Variants in ANK2 observed in about 807,000 individuals in gnomAD.
ANK2 encodes the protein ankyrin 2.
ANK2 carries 83 observed loss-of-function variants against 360.5 expected under a neutral mutation model. The observed-to-expected ratio is 0.23, with a 90% CI of 0.19 to 0.28. ANK2 has a LOEUF of 0.28. Ranked by LOEUF, ANK2 falls within the 10% of genes least tolerant of loss-of-function variation. ANK2 has a pLI of 1.00. For synonymous variants in ANK2, 1,740 were observed against 1,759.5 expected, an observed-to-expected ratio of 0.99 and a Z score of 0.28; for missense variants, 4,201 against 4,795.7, an observed-to-expected ratio of 0.88 and a Z score of 3.66.
intron 1 of ANK2, among the ~76,000 whole-genome samples, chr4:112,850,686 T>G (rs2064743239): frequency 6.6e-6 from 1 of 150,930 alleles, no homozygotes; most frequent in Non-Finnish European, 1.5e-5. Context: ...CCAGCTAATT[T>G]TTTGTATTTT....
intron 1 of ANK2, among the ~76,000 whole-genome samples, chr4:112,895,035 A>G (rs1439540703): frequency 6.6e-6 from 1 of 152,180 alleles, no homozygotes; most frequent in East Asian, 1.9e-4. Context: ...TTTTGTGCAG[A>G]AGTTTTGTAA....
At chr4:112,709,932 A>G in the ANK2 span, among the ~76,000 whole-genome samples, 1 of 151,922 alleles carries the variant, frequency 6.6e-6, no homozygotes, top group East Asian at 1.9e-4. Flanking sequence ...ATCCTTCCCC[A>G]TGGTCTCTGG....
intron 20 of ANK2, among the ~76,000 whole-genome samples, chr4:113,291,500 A>G (rs1311116709): frequency 1.3e-5 from 2 of 152,244 alleles, no homozygotes; most frequent in African/African-American, 4.8e-5. Context: ...GCATGTTCCT[A>G]TGGGCAGACA....
chr4:112,951,456 T>G (rs1341075366), intron 2 of ANK2, among the ~76,000 whole-genome samples: 1 of 152,254 alleles, frequency 6.6e-6, no homozygotes, highest in Non-Finnish European at 1.5e-5. Flanking sequence ...CCAGTGTTAT[T>G]TAATGATTCA....
intron 1 of ANK2, among the ~76,000 whole-genome samples, chr4:112,824,396 G>A (rs1205717770): frequency 6.6e-6 from 1 of 152,026 alleles, no homozygotes. Flanking sequence ...GAGACAGTGT[G>A]TTGTTCTGTT....
Position 113,181,160 on chromosome 4 carries a change from G to T in ANK2, c.186+6643G>T, listed in dbSNP as rs1041185292. 5.9e-5 allele frequency among the ~76,000 whole-genome samples: 9 copies of T among 152,274 alleles called. No individual in the cohort carries two copies. The East Asian group carries it at 1.7e-3, about 29-fold the overall frequency. Reference sequence around the variant, plus strand: ...AATTAGGCAGGTTTATGAAGATTTCGAAATGTGACTCTTCTTTCATTTTAA... The same window carrying T: ...AATTAGGCAGGTTTATGAAGATTTCTAAATGTGACTCTTCTTTCATTTTAA... On this transcript the variant is annotated intron_variant, in intron 2 of 45. Transcript: ENST00000357077.
chr4:113,062,824 G>A (rs2074105018), intron 1 of ANK2, among the ~76,000 whole-genome samples: 1 of 152,000 alleles, frequency 6.6e-6, no homozygotes, highest in South Asian at 2.1e-4. Context: ...TTGACTATTT[G>A]TCCAATAGGC....
At chr4:113,266,225 TGTTA>T (rs1028866189) in intron 14 of ANK2, among the ~76,000 whole-genome samples, 56 of 152,248 alleles carry the variant, frequency 3.7e-4, no homozygotes, top group African/African-American at 1.2e-3. Flanking sequence ...TCTGTTTCTG[TGTTA>T]GTTTGCTGAG....
chr4:112,862,717 T>G (rs2068544345), intron 1 of ANK2, among the ~76,000 whole-genome samples: 1 of 152,202 alleles, frequency 6.6e-6, no homozygotes, highest in Non-Finnish European at 1.5e-5. Context: ...TTTCGTATCT[T>G]TGATTTGGAA....
At chr4:112,865,986 C>T (rs983138177) in intron 1 of ANK2, among the ~76,000 whole-genome samples, 5 of 152,208 alleles carry the variant, frequency 3.3e-5, no homozygotes, top group Non-Finnish European at 7.3e-5. Flanking sequence ...CACACACACA[C>T]ACAGCCTTAC....
At chr4:113,320,106 CAGTAA>C (rs1425725921) in intron 26 of ANK2, among the ~76,000 whole-genome samples, 4 of 152,094 alleles carry the variant, frequency 2.6e-5, no homozygotes, top group Middle Eastern at 6.8e-3. Flanking sequence ...TACTGAAGGG[CAGTAA>C]AGTAGTCTAA....
intron 23 of ANK2, among the ~76,000 whole-genome samples, chr4:113,309,263 A>G (rs964204801): frequency 1.3e-5 from 2 of 152,202 alleles, no homozygotes; most frequent in African/African-American, 4.8e-5. Context: ...TGCTTTCAGC[A>G]TTTAGGGACT....
chr4:113,167,852 G>T (rs930524391), intron 1 of ANK2, among the ~76,000 whole-genome samples: 6 of 152,090 alleles, frequency 3.9e-5, no homozygotes, highest in Admixed American at 2.6e-4. Context: ...TGGAATAAAA[G>T]ACATGTCCTT....
intron 43 of ANK2, chr4:113,372,528 A>T: frequency 6.5e-7 from 1 of 1,527,830 alleles, no homozygotes; most frequent in South Asian, 1.2e-5. Flanking sequence ...CCATGCTTCC[A>T]CCAGGAGCTA....
At chr4:112,872,909 G>T (rs2073755847) in intron 1 of ANK2, among the ~76,000 whole-genome samples, 1 of 151,930 alleles carries the variant, frequency 6.6e-6, no homozygotes, top group South Asian at 2.1e-4. Context: ...TGTTATGCAT[G>T]TATTCAGATT....
chr4:112,715,485 T>C, the ANK2 span, among the ~76,000 whole-genome samples: 1 of 152,116 alleles, frequency 6.6e-6, no homozygotes, highest in Admixed American at 6.5e-5. Context: ...ACAAATAAGC[T>C]GGTATCAAAC....
At chr4:112,759,436 C>T in the ANK2 span, among the ~76,000 whole-genome samples, 1 of 152,234 alleles carries the variant, frequency 6.6e-6, no homozygotes, top group African/African-American at 2.4e-5. Flanking sequence ...TGAGCTACCA[C>T]GCTGGGCCCA....
the ANK2 span, among the ~76,000 whole-genome samples, chr4:112,754,611 A>T: frequency 6.6e-6 from 1 of 152,008 alleles, no homozygotes; most frequent in Non-Finnish European, 1.5e-5. Context: ...TCTCCAAAAA[A>T]CAGGGCCCAC....
intron 1 of ANK2, among the ~76,000 whole-genome samples, chr4:112,889,975 A>C (rs1363889232): frequency 6.6e-6 from 1 of 152,242 alleles, no homozygotes; most frequent in Non-Finnish European, 1.5e-5. Context: ...TGTAAGTAAA[A>C]AATACATCAT....
Sources: allele counts gnomAD v4.1 joint callset (sites outside exome capture counted in the v4.1 genomes callset), GRCh38; gene constraint gnomAD v4.1.1; transcripts MANE v1.5; gene names NCBI Gene and HGNC (gene_info 2026-07-23, HGNC 2026-07-21).